The following NKAIN3 variants were observed in gnomAD, a reference collection of about 807,000 sequenced individuals.
NKAIN3 encodes sodium/potassium-transporting ATPase subunit beta-1-interacting protein 3.
A neutral mutation model predicts 30.2 loss-of-function variants in NKAIN3; 25 were observed. That is an observed-to-expected ratio of 0.83 (90% CI 0.60 to 1.16). The LOEUF is 1.16. Among genes scored for constraint, NKAIN3 ranks in the 50% most tolerant of loss-of-function variants. NKAIN3 has a pLI of 0.00. For missense variants in NKAIN3, 225 were observed against 254.1 expected (o/e 0.89, Z 0.78); for synonymous variants, 91 against 89.6 (o/e 1.02, Z -0.09).
intron 3 of NKAIN3, among the ~76,000 whole-genome samples, chr8:62,727,386 G>T (rs921529159): frequency 6.6e-6 from 1 of 152,046 alleles, no homozygotes; most frequent in African/African-American, 2.4e-5. Flanking sequence ...AAGATATAAT[G>T]ATTGGAAAGG....
chr8:62,746,415 G>A (rs1311121556), intron 3 of NKAIN3, among the ~76,000 whole-genome samples: 2 of 152,164 alleles, frequency 1.3e-5, no homozygotes, highest in Admixed American at 1.3e-4. Flanking sequence ...CAGGTTCCAA[G>A]GATTAGAAGC....
chr8:62,925,974 G>T (rs1163533588), intron 5 of NKAIN3, among the ~76,000 whole-genome samples: 1 of 152,120 alleles, frequency 6.6e-6, no homozygotes, highest in Non-Finnish European at 1.5e-5. Flanking sequence ...GAGCTCTCCA[G>T]TTCTCACCAT....
chr8:62,721,094 T>C (rs1815074079), intron 3 of NKAIN3, among the ~76,000 whole-genome samples: 1 of 152,196 alleles, frequency 6.6e-6, no homozygotes, highest in Admixed American at 6.5e-5. Context: ...CATGCTACTC[T>C]ATTCATTACT....
intron 3 of NKAIN3, among the ~76,000 whole-genome samples, chr8:62,707,692 G>A (rs1039394009): frequency 1.3e-5 from 2 of 152,046 alleles, no homozygotes; most frequent in Admixed American, 1.3e-4. Flanking sequence ...TAACTCTGCC[G>A]ACTGTTCCTT....
Position 62,290,041 on chromosome 8 carries a change from T to C in NKAIN3, c.54+40914T>C, listed in dbSNP as rs571277726. Among the ~76,000 whole-genome samples, 362 of 152,236 alleles carry C rather than the reference T, an allele frequency of 2.4e-3. 1 individual carries two copies. Among genetic ancestry groups the C allele is most frequent in the Non-Finnish European group, 4.2e-3 (288 of 68,004 alleles). ...AGTTCACTCATGATTTGGCTCTCTG[T>C]TTGTCTGTTATTGGTGTATAGGAAT... On this transcript the variant is annotated intron_variant, in intron 1 of 6. Coordinates refer to ENST00000623646, the MANE Select transcript of NKAIN3 (RefSeq NM_001304533.3).
At chr8:62,525,834 G>C (rs1232041761) in intron 1 of NKAIN3, among the ~76,000 whole-genome samples, 2 of 152,134 alleles carry the variant, frequency 1.3e-5, no homozygotes, top group Admixed American at 6.6e-5. Context: ...ATTGTTGTTA[G>C]TGGTTTTCCT....
At chr8:62,797,033 G>A (rs1586205066) in intron 4 of NKAIN3, among the ~76,000 whole-genome samples, 1 of 152,134 alleles carries the variant, frequency 6.6e-6, no homozygotes, top group East Asian at 1.9e-4. Context: ...TGATATAACA[G>A]GAATTGGATG....
intron 1 of NKAIN3, among the ~76,000 whole-genome samples, chr8:62,451,081 A>G (rs1248835185): frequency 2.0e-5 from 3 of 152,158 alleles, no homozygotes; most frequent in South Asian, 2.1e-4. Flanking sequence ...TTTTTATTAT[A>G]TCAGTTTGGA....
intron 4 of NKAIN3, among the ~76,000 whole-genome samples, chr8:62,901,057 C>A (rs375268369): frequency 6.6e-6 from 1 of 152,054 alleles, no homozygotes; most frequent in African/African-American, 2.4e-5. Flanking sequence ...TTATTTCCAG[C>A]GGTCAGGAGA....
chr8:62,472,863 A>G (rs1390293406), intron 1 of NKAIN3, among the ~76,000 whole-genome samples: 1 of 152,220 alleles, frequency 6.6e-6, no homozygotes, highest in Non-Finnish European at 1.5e-5. Flanking sequence ...TTCATGTTCC[A>G]GACACTGATC....
At chr8:62,403,866 C>T (rs566618127) in intron 1 of NKAIN3, among the ~76,000 whole-genome samples, 27 of 152,254 alleles carry the variant, frequency 1.8e-4, no homozygotes, top group Admixed American at 9.8e-4. Flanking sequence ...ATCCACTGAC[C>T]GCTTGCACCA....
At chr8:62,333,065 C>T (rs1815408434) in intron 1 of NKAIN3, among the ~76,000 whole-genome samples, 1 of 152,078 alleles carries the variant, frequency 6.6e-6, no homozygotes, top group South Asian at 2.1e-4. Context: ...TTTTAAAATG[C>T]ACAAACTAGT....
At chr8:62,639,696 G>C (rs867816722) in intron 3 of NKAIN3, among the ~76,000 whole-genome samples, 1 of 152,116 alleles carries the variant, frequency 6.6e-6, no homozygotes, top group African/African-American at 2.4e-5. Flanking sequence ...GATAAAAATA[G>C]ACAAGTTGGT....
At chr8:62,305,842 G>T (rs1288244742) in intron 1 of NKAIN3, among the ~76,000 whole-genome samples, 1 of 150,242 alleles carries the variant, frequency 6.7e-6, no homozygotes, top group East Asian at 1.9e-4. Context: ...CGTCAAAATA[G>T]CAAATGAGGA....
At chr8:62,795,897 T>C (rs1265855062) in intron 4 of NKAIN3, among the ~76,000 whole-genome samples, 1 of 152,152 alleles carries the variant, frequency 6.6e-6, no homozygotes, top group Non-Finnish European at 1.5e-5. Flanking sequence ...TGTGTATGTA[T>C]GAAATGACCC....
At position 62,883,461 on chromosome 8, in the gene NKAIN3, T is replaced by G. The variant is rs1347226641; in HGVS notation, c.472-34992T>G. Among the ~76,000 whole-genome samples the G allele has an allele frequency of 6.9e-5, 10 of 145,094 alleles. 2 individuals are homozygous for G. Among genetic ancestry groups the G allele is most frequent in the Non-Finnish European group, 4.5e-5 (3 of 66,402 alleles). Reference sequence around the variant, plus strand: ...TTATTTCCAGGAGTTTTATGGGTTTTTTTTTTTTTTTTCAGATTTTCTACA... The same window carrying G: ...TTATTTCCAGGAGTTTTATGGGTTTGTTTTTTTTTTTTCAGATTTTCTACA... On this transcript the variant is annotated intron_variant, in intron 4 of 6. Transcript: ENST00000623646.
Position 62,544,878 on chromosome 8 carries a change from G to A in NKAIN3, c.55-34661G>A, listed in dbSNP as rs147819271. 4.4e-4 allele frequency among the ~76,000 whole-genome samples: 67 copies of A among 152,206 alleles called. No homozygotes were observed. In the South Asian group the frequency reaches 0.012, roughly 28 times the overall value. On this transcript the variant is annotated intron_variant, in intron 1 of 6. Coordinates refer to ENST00000623646, the MANE Select transcript of NKAIN3 (RefSeq NM_001304533.3). ...TAGTCATTTAACACATATTTTGTAC[G>A]TTATATGTATTATATATTGTATTCT... is the stretch of plus-strand genomic sequence containing the variant.
chr8:62,687,670 C>T (rs1375466444), intron 3 of NKAIN3, among the ~76,000 whole-genome samples: 1 of 152,218 alleles, frequency 6.6e-6, no homozygotes, highest in Admixed American at 6.5e-5. Flanking sequence ...ATCAAAAGCA[C>T]TCTGCTGGCC....
chr8:62,612,302 G>C (rs1467687332), intron 3 of NKAIN3, among the ~76,000 whole-genome samples: 3 of 151,652 alleles, frequency 2.0e-5, no homozygotes, highest in Non-Finnish European at 4.4e-5. Context: ...TCTCACATTG[G>C]GTGCGTATAT....
Sources: gnomAD v4.1 joint callset for allele counts (sites outside exome capture counted in the v4.1 genomes callset) on GRCh38, gnomAD v4.1.1 for gene constraint, MANE v1.5 for transcripts, NCBI Gene and HGNC (gene_info 2026-07-23, HGNC 2026-07-21) for gene names.